The following ERBIN variants were observed in gnomAD, a reference collection of about 807,000 sequenced individuals.
The protein encoded by ERBIN is densin-180-like protein.
ERBIN carries 60 observed loss-of-function variants against 158.4 expected under a neutral mutation model. The observed-to-expected ratio is 0.38, with a 90% CI of 0.31 to 0.47. The LOEUF (loss-of-function observed/expected upper bound fraction) is 0.47, where lower values mean the gene tolerates loss of function less well. Ranked by LOEUF, ERBIN falls within the 20% of genes least tolerant of loss-of-function variation. The pLI is 0.99. For missense variants in ERBIN, 1,610 were observed against 1,648.0 expected, an observed-to-expected ratio of 0.98 and a Z score of 0.40; for synonymous variants, 594 against 557.2, an observed-to-expected ratio of 1.07 and a Z score of -0.93.
chr5:66,074,072 T>TTTTG (rs1463596349), intron 22 of ERBIN, among the ~76,000 whole-genome samples: 1 of 139,410 alleles, frequency 7.2e-6, no homozygotes, highest in African/African-American at 3.0e-5. Flanking sequence ...TTTTTTTTTT[T>TTTTG]AGAGATGGGG....
chr5:66,026,530 T>G (rs1756275032), intron 13 of ERBIN, 113 bp downstream of exon 13: 2 of 469,090 alleles, frequency 4.3e-6, no homozygotes, highest in East Asian at 7.1e-5. Context: ...TAAATATACA[T>G]AGTAAGTTCT....
At chr5:65,995,286 T>G (rs1299503383) in intron 4 of ERBIN, among the ~76,000 whole-genome samples, 1 of 152,090 alleles carries the variant, frequency 6.6e-6, no homozygotes, top group Admixed American at 6.6e-5. Flanking sequence ...CCTCCATCCC[T>G]GCTTCCCCAT....
intron 1 of ERBIN, among the ~76,000 whole-genome samples, chr5:65,965,770 TC>T (rs763781102): frequency 1.3e-5 from 2 of 152,188 alleles, no homozygotes; most frequent in Non-Finnish European, 2.9e-5. Context: ...CTGATTCCTC[TC>T]CCCTTAATGT....
At chr5:65,976,808 T>G (rs1306385297) in intron 1 of ERBIN, among the ~76,000 whole-genome samples, 23 of 151,248 alleles carry the variant, frequency 1.5e-4, no homozygotes, top group Admixed American at 1.2e-3. Flanking sequence ...ATACAGCACA[T>G]GTTTCAGAGA....
chr5:66,073,453 C>T (rs899494182), intron 22 of ERBIN, among the ~76,000 whole-genome samples: 1 of 152,106 alleles, frequency 6.6e-6, no homozygotes, highest in Non-Finnish European at 1.5e-5. Flanking sequence ...TTCCTTCTCT[C>T]CAACCAATAT....
At chr5:66,010,459 T>C (rs1209448641) in intron 4 of ERBIN, among the ~76,000 whole-genome samples, 1 of 152,226 alleles carries the variant, frequency 6.6e-6, no homozygotes, top group Non-Finnish European at 1.5e-5. Context: ...AATTGCCATG[T>C]GTCTTGTGGA....
chr5:65,994,968 T>A, intron 4 of ERBIN, 104 bp downstream of exon 4: 1 of 706,762 alleles, frequency 1.4e-6, no homozygotes, highest in Non-Finnish European at 2.4e-6. Flanking sequence ...AAGTTAAATC[T>A]AATGTATTAA....
At chr5:66,015,022 A>G (rs1561374972) in intron 7 of ERBIN, among the ~76,000 whole-genome samples, 1 of 152,222 alleles carries the variant, frequency 6.6e-6, no homozygotes. Flanking sequence ...AATAGAAATC[A>G]GAAATCCCAG....
At chr5:66,041,319 T>C (rs1757896405) in intron 15 of ERBIN, among the ~76,000 whole-genome samples, 1 of 152,018 alleles carries the variant, frequency 6.6e-6, no homozygotes, top group African/African-American at 2.4e-5. Flanking sequence ...ATTTAGCTGA[T>C]GTGCATAGGG....
chr5:66,030,202 C>T (rs187837641), intron 14 of ERBIN, among the ~76,000 whole-genome samples: 44 of 152,082 alleles, frequency 2.9e-4, no homozygotes, highest in African/African-American at 1.0e-3. Flanking sequence ...CCACGCCCGG[C>T]TAATTTTTGT....
At position 66,025,597 on chromosome 5, in the gene ERBIN, A is replaced by G. The variant is rs781132431; in HGVS notation, c.890+45A>G. 7.3e-6 allele frequency: 10 copies of G among 1,378,076 alleles called. No homozygotes were observed. In the East Asian group the frequency reaches 2.3e-4, roughly 32 times the overall value. 85.4% of individuals were successfully genotyped at this position (1,378,076 alleles called of 1,614,324 possible). A position where few individuals can be genotyped will look rare whatever the true frequency, so the allele number is the denominator to read the frequency against. On this transcript the variant is annotated intron_variant, in intron 11 of 25. Transcript: ENST00000284037. ...ATACACCCTCGAAGATTTTACTTTC[A>G]GTTCAGCATGCCATACATATTTTCA...
At chr5:66,069,068 C>G (rs1244986028) in intron 21 of ERBIN, 4 of 1,403,374 alleles carry the variant, frequency 2.9e-6, no homozygotes, top group Non-Finnish European at 3.7e-6. Flanking sequence ...GAAGAGAAAA[C>G]CCCAAATTTT....
At chr5:66,072,500 G>A (rs1761620644) in intron 22 of ERBIN, among the ~76,000 whole-genome samples, 1 of 152,050 alleles carries the variant, frequency 6.6e-6, no homozygotes, top group African/African-American at 2.4e-5. Context: ...TTTCTACCCT[G>A]GAGAATTATT....
intron 1 of ERBIN, among the ~76,000 whole-genome samples, chr5:65,970,135 A>C (rs1030728744): frequency 9.2e-5 from 14 of 152,192 alleles, no homozygotes; most frequent in Non-Finnish European, 1.6e-4. Flanking sequence ...CTACACTGTT[A>C]AATTATTAAT....
Position 66,046,554 on chromosome 5 carries a change from T to C in ERBIN, c.1788+16T>C. 1.3e-6 allele frequency: 2 copies of C among 1,544,676 alleles called. No individual in the cohort carries two copies. Among genetic ancestry groups the C allele is most frequent in the Non-Finnish European group, 1.8e-6 (2 of 1,142,642 alleles). On this transcript the variant is annotated intron_variant, in intron 18 of 25. Coordinates refer to ENST00000284037, the MANE Select transcript of ERBIN (RefSeq NM_001253697.2). ...TGTTTTTGAGGTATGATTTTATGAT[T>C]ATTCTGGAGCAACTATAAGAACTTT...
chr5:65,958,149 C>T (rs1747458180), intron 1 of ERBIN, among the ~76,000 whole-genome samples: 1 of 151,144 alleles, frequency 6.6e-6, no homozygotes, highest in South Asian at 2.1e-4. Context: ...GGCAGCCGGG[C>T]AGAGGGGCTC....
intron 1 of ERBIN, among the ~76,000 whole-genome samples, chr5:65,968,268 C>G (rs1182170269): frequency 1.3e-5 from 2 of 152,176 alleles, no homozygotes; most frequent in African/African-American, 2.4e-5. Context: ...GACCATTATA[C>G]ATTCTCTGTC....
intron 1 of ERBIN, among the ~76,000 whole-genome samples, chr5:65,932,953 G>A (rs538627827): frequency 2.6e-5 from 4 of 152,112 alleles, no homozygotes; most frequent in African/African-American, 9.6e-5. Context: ...ACCATGCCCG[G>A]CTAATGTTTT....
chr5:66,026,081 G>T, intron 12 of ERBIN, 104 bp downstream of exon 12: 1 of 1,037,562 alleles, frequency 9.6e-7, no homozygotes, highest in Non-Finnish European at 1.4e-6. Flanking sequence ...TTCTAAAATA[G>T]TTTTCAAGTT....
Sources: gnomAD v4.1 joint callset for allele counts (sites outside exome capture counted in the v4.1 genomes callset) on GRCh38, gnomAD v4.1.1 for gene constraint, MANE v1.5 for transcripts, NCBI Gene and HGNC (gene_info 2026-07-23, HGNC 2026-07-21) for gene names.